SHCBP1L: variants seen among roughly 807,000 people sequenced by gnomAD.
SHCBP1L encodes SHC binding and spindle associated 1 like, also known as testicular spindle-associated protein SHCBP1L.
Under a neutral mutation model 62.5 loss-of-function variants are expected in SHCBP1L, and 67 were observed. The ratio of observed to expected loss-of-function variants is 1.07; its 90% CI spans 0.88 to 1.31. The LOEUF is 1.31. Among genes scored for constraint, SHCBP1L ranks in the 40% most tolerant of loss-of-function variants. The pLI, the probability that SHCBP1L is intolerant of heterozygous loss-of-function variation, is 0.00. For synonymous variants in SHCBP1L, 284 were observed against 289.4 expected, an observed-to-expected ratio of 0.98 and a Z score of 0.19; for missense variants, 823 against 809.8, an observed-to-expected ratio of 1.02 and a Z score of -0.20.
At chr1:182,949,185 T>G (rs549184861) in intron 2 of SHCBP1L, among the ~76,000 whole-genome samples, 1 of 151,688 alleles carries the variant, frequency 6.6e-6, no homozygotes, top group Non-Finnish European at 1.5e-5. Flanking sequence ...AGAGAGCTGC[T>G]AAGACACCAT....
intron 5 of SHCBP1L, among the ~76,000 whole-genome samples, chr1:182,935,638 T>C (rs775521540): frequency 7.9e-5 from 12 of 152,198 alleles, no homozygotes; most frequent in Non-Finnish European, 1.8e-4. Flanking sequence ...TTTGTAGGCC[T>C]TTTGTTTCTT....
chr1:182,924,048 A>G (rs1038941082), intron 6 of SHCBP1L, among the ~76,000 whole-genome samples: 1 of 152,216 alleles, frequency 6.6e-6, no homozygotes, highest in Non-Finnish European at 1.5e-5. Flanking sequence ...TCAGGACACA[A>G]AAATCAATGT....
intron 3 of SHCBP1L, 69 bp from the exon 4 acceptor site, chr1:182,939,622 T>C: frequency 8.9e-7 from 1 of 1,119,364 alleles, no homozygotes; most frequent in Non-Finnish European, 1.3e-6. Context: ...TAAATGGATA[T>C]TCTGATGTCA....
intron 1 of SHCBP1L, 47 bp from the exon 2 acceptor site, chr1:182,951,514 G>T: frequency 4.9e-6 from 6 of 1,236,200 alleles, no homozygotes; most frequent in Non-Finnish European, 4.3e-6. Flanking sequence ...TGAAATTATA[G>T]ATTTTAAACT....
At chr1:182,908,418 G>A (rs1276240697) in intron 6 of SHCBP1L, among the ~76,000 whole-genome samples, 1 of 151,968 alleles carries the variant, frequency 6.6e-6, no homozygotes, top group Non-Finnish European at 1.5e-5. Flanking sequence ...TGGCCTTCAG[G>A]TGCATCCACG....
At chr1:182,933,554 G>A (rs532572791) in intron 5 of SHCBP1L, among the ~76,000 whole-genome samples, 5 of 152,184 alleles carry the variant, frequency 3.3e-5, no homozygotes, top group Admixed American at 2.6e-4. Context: ...ATGAAAGGGT[G>A]TTAATTTGTC....
chr1:182,934,309 A>G (rs1382685613), intron 5 of SHCBP1L, among the ~76,000 whole-genome samples: 1 of 152,178 alleles, frequency 6.6e-6, no homozygotes. Context: ...TCTAACCAAC[A>G]AAGAATGAGA....
At chr1:182,938,607 C>A (rs908699632) in intron 5 of SHCBP1L, among the ~76,000 whole-genome samples, 1 of 152,044 alleles carries the variant, frequency 6.6e-6, no homozygotes, top group Non-Finnish European at 1.5e-5. Flanking sequence ...ACTACAGGCA[C>A]ACCCCACTAC....
chr1:182,942,405 T>G, intron 2 of SHCBP1L: 1 of 717,510 alleles, frequency 1.4e-6, no homozygotes, highest in South Asian at 1.5e-5. Context: ...TTGGGTATCC[T>G]GGCGGCAGGC....
intron 1 of SHCBP1L, among the ~76,000 whole-genome samples, chr1:182,952,235 T>TATATACAC (rs1651796265): frequency 2.3e-5 from 1 of 42,836 alleles, no homozygotes; most frequent in Non-Finnish European, 3.7e-5. Flanking sequence ...TATATATATA[T>TATATACAC]ACACACACAC....
At chr1:182,928,012 T>C (rs1278629882) in intron 6 of SHCBP1L, among the ~76,000 whole-genome samples, 6 of 152,238 alleles carry the variant, frequency 3.9e-5, no homozygotes, top group Non-Finnish European at 7.3e-5. Context: ...TATACCTTTT[T>C]AAAAAGATGT....
chr1:182,901,210 C>G (rs1343925043), intron 9 of SHCBP1L, among the ~76,000 whole-genome samples: 2 of 152,028 alleles, frequency 1.3e-5, no homozygotes, highest in Admixed American at 1.3e-4. Flanking sequence ...GTAATCCCAG[C>G]ACTTTGGGAG....
Position 182,952,995 on chromosome 1 carries a change from C to T in SHCBP1L, c.139G>A (p.Val47Met). Residue 47 changes from valine to methionine, a missense_variant, in exon 1 of 10, where the codon GTG becomes ATG. Val to Met is a conservative substitution (Grantham distance 21). Transcript: ENST00000367547. The part of the protein sequence containing the change: ...ATTLKGTAIP[V>M]RSVVASPRPV... ...CGAGGGGAGGCCACCACCGACCGCA[C>T]TGGGATCGCGGTGCCCTTCAGGGTG... 2 of 1,543,456 alleles carry T rather than the reference C, an allele frequency of 1.3e-6. No individual in the cohort carries two copies. The highest frequency in any genetic ancestry group is 1.7e-6 in the Non-Finnish European group (2 of 1,148,078).
chr1:182,906,309 T>G (rs1193415956), intron 6 of SHCBP1L, among the ~76,000 whole-genome samples: 2 of 152,068 alleles, frequency 1.3e-5, no homozygotes, highest in Non-Finnish European at 2.9e-5. Context: ...TTGTCAAAAT[T>G]AGTAGTGAAG....
intron 6 of SHCBP1L, among the ~76,000 whole-genome samples, chr1:182,908,796 G>A (rs879652432): frequency 6.6e-6 from 1 of 152,146 alleles, no homozygotes; most frequent in African/African-American, 2.4e-5. Flanking sequence ...GATATACTTT[G>A]CCAAATTCCT....
At chr1:182,945,809 C>T (rs1651547870) in intron 2 of SHCBP1L, among the ~76,000 whole-genome samples, 1 of 152,078 alleles carries the variant, frequency 6.6e-6, no homozygotes, top group Non-Finnish European at 1.5e-5. Context: ...TCTGTAATCC[C>T]AGCACTTTGG....
Position 182,952,975 on chromosome 1 carries a change from G to A in SHCBP1L, c.159C>T (p.Ser53=). ...CCGCTTTCCCCTTCACCGGGCGAGG[G>A]GAGGCCACCACCGACCGCACTGGGA... The part of the protein sequence containing the change: ...TAIPVRSVVA[S]PRPVKGKAGR... The change falls in exon 1 of 10, where the codon TCC becomes TCT. Residue 53 remains serine, a synonymous_variant. Transcript: ENST00000367547. 1 of 1,544,092 alleles carries A rather than the reference G, an allele frequency of 6.5e-7. No homozygotes were observed. Among genetic ancestry groups the A allele is most frequent in the East Asian group, 2.4e-5 (1 of 41,078 alleles).
chr1:182,903,278 C>T, intron 8 of SHCBP1L, 117 bp from the exon 9 acceptor site: 1 of 787,158 alleles, frequency 1.3e-6, no homozygotes, highest in Non-Finnish European at 1.8e-6. Context: ...GAGTTACGTG[C>T]AAATACGTGA....
rs1304104869 is a variant in SHCBP1L, at chr1:182,930,733, T to G, written c.1077-981A>C. ...TATATATATATATATATGTATTTTTTTTTTTTTTTTTTTTTTTTATTAAAG... is the reference window on the plus strand; with the variant it reads ...TATATATATATATATATGTATTTTTGTTTTTTTTTTTTTTTTTTATTAAAG... On this transcript the variant is annotated intron_variant, in intron 5 of 9. Transcript: ENST00000367547. Among the ~76,000 whole-genome samples the G allele has an allele frequency of 4.0e-3, 411 of 103,790 alleles. 5 individuals are homozygous for G. The highest frequency in any genetic ancestry group is 5.0e-3 in the Non-Finnish European group (249 of 50,014). The allele number at this position is 103,790 out of a possible 152,430, so 68.1% of individuals were successfully genotyped here. A position where few individuals can be genotyped will look rare whatever the true frequency, so the allele number is the denominator to read the frequency against.
Sources: allele counts gnomAD v4.1 joint callset (sites outside exome capture counted in the v4.1 genomes callset), GRCh38; gene constraint gnomAD v4.1.1; transcripts MANE v1.5; gene names NCBI Gene and HGNC (gene_info 2026-07-23, HGNC 2026-07-21).